TOPBP1: variants seen among roughly 807,000 people sequenced by gnomAD.
TOPBP1 encodes DNA topoisomerase II binding protein 1.
A neutral mutation model predicts 167.7 loss-of-function variants in TOPBP1; 28 were observed. The observed-to-expected ratio is 0.17, with a 90% CI of 0.12 to 0.23. TOPBP1 has a LOEUF of 0.23. TOPBP1 is among the 10% of genes least tolerant of loss of function. The pLI is 1.00. For missense variants in TOPBP1, 1,554 were observed against 1,809.6 expected, an observed-to-expected ratio of 0.86 and a Z score of 2.56; for synonymous variants, 598 against 611.4, an observed-to-expected ratio of 0.98 and a Z score of 0.32.
At chr3:133,636,786 A>G (rs1354520248) in intron 14 of TOPBP1, among the ~76,000 whole-genome samples, 1 of 152,192 alleles carries the variant, frequency 6.6e-6, no homozygotes, top group Non-Finnish European at 1.5e-5. Flanking sequence ...TGCTTTTAAA[A>G]GGCAGTAGGA....
chr3:133,630,176 A>T (rs893228946), intron 14 of TOPBP1, among the ~76,000 whole-genome samples: 1 of 151,836 alleles, frequency 6.6e-6, no homozygotes, highest in Non-Finnish European at 1.5e-5. Context: ...TTTTTTTAAT[A>T]TATTCGCTTG....
chr3:133,632,617 C>T (rs1379039650), intron 14 of TOPBP1, among the ~76,000 whole-genome samples: 14 of 152,142 alleles, frequency 9.2e-5, no homozygotes, highest in African/African-American at 2.2e-4. Flanking sequence ...GCTCCCATAC[C>T]ACATCTATCT....
chr3:133,654,524 C>CA (rs1391234470), intron 6 of TOPBP1, among the ~76,000 whole-genome samples: 18 of 152,248 alleles, frequency 1.2e-4, no homozygotes, highest in South Asian at 4.1e-4. Flanking sequence ...CAGCCATACT[C>CA]AAAGTTCTGA....
rs1479522226 is a variant in TOPBP1 at position 133,617,200 on chromosome 3, G to A, written c.3719C>T (p.Pro1240Leu). Residue 1240 changes from proline to leucine, a missense_variant, in exon 22 of 28, where the codon CCA (proline) becomes CTA (leucine). Pro to Leu is a moderately conservative substitution (Grantham distance 98). Transcript: ENST00000260810. Reference sequence around the variant, plus strand: ...CGGAGCCACAGGGGGGTTGGCGAGTGGAAAGGCAATACTGGGGGCTTGAGG... The same window carrying A: ...CGGAGCCACAGGGGGGTTGGCGAGTAGAAAGGCAATACTGGGGGCTTGAGG... ...PTPQAPSIAFPLANPPVAPHP... is the reference protein window; with the variant it reads ...PTPQAPSIAFLLANPPVAPHP... The A allele has an allele frequency of 1.2e-6, 2 of 1,613,444 alleles. No individual in the cohort carries two copies. The highest frequency in any genetic ancestry group is 1.1e-5 in the South Asian group (1 of 91,024).
Position 133,656,836 on chromosome 3 carries a change from G to T in TOPBP1, c.385C>A (p.Gln129Lys). 1 of 1,588,362 alleles carries T rather than the reference G, an allele frequency of 6.3e-7. No individual in the cohort carries two copies. The highest frequency in any genetic ancestry group is 1.2e-5 in the South Asian group (1 of 86,216). ...EKREEVHKYV[Q>K]MMGGRVYRDL... Reference sequence around the variant, plus strand: ...CTGTATACTCGTCCGCCCATCATTTGTACATATTTATGAACTTCTTCCTGC... The same window carrying T: ...CTGTATACTCGTCCGCCCATCATTTTTACATATTTATGAACTTCTTCCTGC... The change falls in exon 5 of 28, where the codon CAA becomes AAA. Residue 129 changes from glutamine to lysine, a missense_variant. This residue lies in a region of TOPBP1 where 1,197 missense variants were observed against 1,351.5 expected (regional missense o/e 0.89). Coordinates refer to ENST00000260810, the MANE Select transcript of TOPBP1 (RefSeq NM_007027.4).
At chr3:133,645,915 G>A (rs576712551) in intron 10 of TOPBP1, among the ~76,000 whole-genome samples, 3 of 152,202 alleles carry the variant, frequency 2.0e-5, no homozygotes, top group Admixed American at 6.5e-5. Flanking sequence ...TTGGGAGGCT[G>A]AGGTGGGTGG....
chr3:133,604,625 T>C (rs970343500), intron 27 of TOPBP1, among the ~76,000 whole-genome samples: 7 of 151,694 alleles, frequency 4.6e-5, no homozygotes, highest in East Asian at 3.9e-4. Context: ...AAACCACATA[T>C]AAAGAAAACT....
At chr3:133,648,587 C>T (rs141816685) in intron 10 of TOPBP1, among the ~76,000 whole-genome samples, 3 of 152,126 alleles carry the variant, frequency 2.0e-5, no homozygotes, top group East Asian at 1.9e-4. Context: ...CACCTGAGGT[C>T]GGGAGTTCAA....
At position 133,629,159 on chromosome 3, in the gene TOPBP1, A is replaced by T. The variant is rs1027656079; in HGVS notation, c.2521-426T>A. On this transcript the variant is annotated intron_variant, in intron 14 of 27. Transcript: ENST00000260810. Reference sequence around the variant, plus strand: ...AGAAAGTCAAAATGAGCTGAGAATTAAAAAAAAAAAAATCTTCAAAAGTTC... The same window carrying T: ...AGAAAGTCAAAATGAGCTGAGAATTTAAAAAAAAAAAATCTTCAAAAGTTC... Among the ~76,000 whole-genome samples the T allele has an allele frequency of 3.4e-5, 5 of 145,070 alleles. No individual in the cohort carries two copies. In the South Asian group the frequency reaches 6.6e-4, roughly 19 times the overall value.
rs374923201 is a variant in TOPBP1 at position 133,638,100 on chromosome 3, G to C, written c.2296C>G (p.Pro766Ala). Residue 766 changes from proline to alanine, a missense_variant, in exon 14 of 28, where the codon CCT becomes GCT. Transcript: ENST00000260810. ...CTGTGAGTTTGCAGGCGTGTGCCAG[G>C]ATGCTCTGCAGTATCTGAATTTAGA... ...INLNSDTAEHPGTRLQTHRKT... is the reference protein window; with the variant it reads ...INLNSDTAEHAGTRLQTHRKT... 1 of 1,613,984 alleles carries C rather than the reference G, an allele frequency of 6.2e-7. No individual in the cohort carries two copies. The highest frequency in any genetic ancestry group is 2.2e-5 in the East Asian group (1 of 44,888).
chr3:133,618,049 C>A (rs1041312890), intron 21 of TOPBP1, 164 bp downstream of exon 21: 2 of 612,824 alleles, frequency 3.3e-6, no homozygotes, highest in Non-Finnish European at 5.6e-6. Flanking sequence ...CCTCAATTTA[C>A]AAATTATTTT....
At chr3:133,636,494 G>GA (rs914179618) in intron 14 of TOPBP1, among the ~76,000 whole-genome samples, 2 of 151,868 alleles carry the variant, frequency 1.3e-5, no homozygotes, top group African/African-American at 4.8e-5. Context: ...AAAAAAGAAA[G>GA]AAAAAAGAGG....
intron 6 of TOPBP1, among the ~76,000 whole-genome samples, chr3:133,654,230 T>C (rs931422386): frequency 6.6e-6 from 1 of 152,234 alleles, no homozygotes; most frequent in Non-Finnish European, 1.5e-5. Flanking sequence ...ATTTGTGCTA[T>C]ATAATAAATC....
chr3:133,628,367 A>G lies in TOPBP1; in HGVS notation c.2799T>C (p.Asp933=), dbSNP rs61748108. 633 of 1,595,760 alleles carry G rather than the reference A, an allele frequency of 4.0e-4. 1 individual carries two copies. In the African/African-American group the frequency reaches 7.6e-3, roughly 19 times the overall value. The part of the protein sequence containing the change: ...LNGIAASLGA[D]YRWSFDETVT... ...CAGAAAGATGTGCCAACTACCTGTA[A>G]TCTGCTCCTAGAGAGGCTGCGATCC... Residue 933 remains aspartate (D), a synonymous_variant, in exon 16 of 28, where the codon GAT becomes GAC. Coordinates refer to ENST00000260810, the MANE Select transcript of TOPBP1 (RefSeq NM_007027.4).
At chr3:133,611,451 G>T (rs1934673525) in intron 24 of TOPBP1, among the ~76,000 whole-genome samples, 1 of 152,204 alleles carries the variant, frequency 6.6e-6, no homozygotes, top group African/African-American at 2.4e-5. Flanking sequence ...TTCACCTGCT[G>T]TAAGACTAAC....
chr3:133,627,181 T>C (rs1371885590), intron 16 of TOPBP1, among the ~76,000 whole-genome samples: 1 of 152,240 alleles, frequency 6.6e-6, no homozygotes, highest in African/African-American at 2.4e-5. Flanking sequence ...GTTTAGGAAT[T>C]TCAGTAATAA....
intron 6 of TOPBP1, among the ~76,000 whole-genome samples, chr3:133,654,808 T>C (rs565745818): frequency 2.0e-5 from 3 of 151,588 alleles, no homozygotes; most frequent in Admixed American, 6.5e-5. Context: ...AGTTAAAACT[T>C]TGCAAGATGT....
intron 14 of TOPBP1, among the ~76,000 whole-genome samples, chr3:133,629,095 A>G (rs1376483545): frequency 1.3e-5 from 2 of 152,154 alleles, no homozygotes; most frequent in Admixed American, 1.3e-4. Flanking sequence ...CAAATAAGCA[A>G]CGACGGATAT....
chr3:133,608,525 TCTCACAAA>T lies in TOPBP1; in HGVS notation c.4425+2_4425+9del. On this transcript the variant is annotated splice_donor_variant and splice_donor_5th_base_variant and intron_variant, in intron 27 of 27. Coordinates refer to ENST00000260810, the MANE Select transcript of TOPBP1 (RefSeq NM_007027.4). LOFTEE classifies it high-confidence loss of function. ...GGTAATGAGGAGGTCAAGGATAGAATCTCACAAACCTGCATGAGATAATCAGCAATGTA... is the reference window on the plus strand; with the variant it reads ...GGTAATGAGGAGGTCAAGGATAGAATCCTGCATGAGATAATCAGCAATGTA... 1 of 1,612,886 alleles carries T rather than the reference TCTCACAAA, an allele frequency of 6.2e-7. No individual in the cohort carries two copies. Among genetic ancestry groups the T allele is most frequent in the South Asian group, 1.1e-5 (1 of 90,952 alleles).
Sources: allele counts gnomAD v4.1 joint callset (sites outside exome capture counted in the v4.1 genomes callset), GRCh38; gene constraint gnomAD v4.1.1; regional missense constraint gnomAD v4.1.1; transcripts MANE v1.5; gene names NCBI Gene and HGNC (gene_info 2026-07-23, HGNC 2026-07-21).